The following NFAT5 variants were observed in gnomAD, a reference collection of about 807,000 sequenced individuals.
The protein encoded by NFAT5 is nuclear factor of activated T cells 5.
Under a neutral mutation model 166.5 loss-of-function variants are expected in NFAT5, and 31 were observed. The ratio of observed to expected loss-of-function variants is 0.19; its 90% CI spans 0.14 to 0.25. The LOEUF (loss-of-function observed/expected upper bound fraction) is 0.25. NFAT5 is among the 10% of genes least tolerant of loss of function. The probability of loss-of-function intolerance (pLI) is 1.00; values close to 1 mark genes in which losing one functional copy is unlikely to be tolerated. For synonymous variants in NFAT5, 612 were observed against 639.7 expected (o/e 0.96, Z 0.65); for missense variants, 1,449 against 1,821.8 (o/e 0.80, Z 3.72).
At chr16:69,602,108 G>A (rs188355595) in intron 2 of NFAT5, among the ~76,000 whole-genome samples, 19 of 138,358 alleles carry the variant, frequency 1.4e-4, no homozygotes, top group Non-Finnish European at 2.3e-4. Context: ...AATAAAGAAC[G>A]TTGAAAGCAT....
chr16:69,573,123 T>C (rs2016536296), intron 2 of NFAT5, among the ~76,000 whole-genome samples: 1 of 152,342 alleles, frequency 6.6e-6, no homozygotes, highest in East Asian at 1.9e-4. Context: ...ATTACGGGCA[T>C]GTGCCACCGC....
At chr16:69,573,996 C>G (rs1232411371) in intron 2 of NFAT5, among the ~76,000 whole-genome samples, 1 of 151,646 alleles carries the variant, frequency 6.6e-6, no homozygotes, top group Non-Finnish European at 1.5e-5. Context: ...CTCAGCCTCC[C>G]AAGTAGCTGG....
intron 7 of NFAT5, among the ~76,000 whole-genome samples, chr16:69,660,842 C>T (rs2036095576): frequency 6.7e-6 from 1 of 150,018 alleles, no homozygotes; most frequent in Non-Finnish European, 1.5e-5. Flanking sequence ...TGGAGTTTCG[C>T]TTGTTGCCCA....
rs557335618 is a variant in NFAT5 at position 69,691,935 on chromosome 16, C to T, written c.2110C>T (p.Pro704Ser). 1.9e-6 allele frequency: 3 copies of T among 1,614,168 alleles called. No individual in the cohort carries two copies. Among genetic ancestry groups the T allele is most frequent in the Non-Finnish European group, 2.5e-6 (3 of 1,180,038 alleles). ...TTIQTQDISQ[P>S]GTFPAVSASS... Reference sequence around the variant, plus strand: ...TATTCAAACCCAGGACATCTCACAGCCTGGTACTTTTCCAGCAGTTTCTGC... The same window carrying T: ...TATTCAAACCCAGGACATCTCACAGTCTGGTACTTTTCCAGCAGTTTCTGC... The change falls in exon 13 of 15, where the codon CCT becomes TCT. Residue 704 changes from proline to serine, a missense_variant. Pro to Ser is a moderately conservative substitution (Grantham distance 74). Around this residue, in one of 7 missense-constraint regions of NFAT5, gnomAD observed 891 missense variants for 993.0 expected, o/e 0.90. Transcript: ENST00000349945.
chr16:69,618,855 C>T (rs1321642387), intron 2 of NFAT5, among the ~76,000 whole-genome samples: 1 of 152,146 alleles, frequency 6.6e-6, no homozygotes, highest in East Asian at 1.9e-4. Flanking sequence ...GTTTGAGTAA[C>T]TAATATCTGT....
At chr16:69,646,738 G>A (rs1326033942) in intron 3 of NFAT5, among the ~76,000 whole-genome samples, 1 of 152,132 alleles carries the variant, frequency 6.6e-6, no homozygotes, top group Admixed American at 6.5e-5. Flanking sequence ...AGAATGTCCA[G>A]CTGAGGCAAT....
At chr16:69,579,065 G>A (rs931723065) in intron 2 of NFAT5, among the ~76,000 whole-genome samples, 3 of 151,978 alleles carry the variant, frequency 2.0e-5, no homozygotes, top group Non-Finnish European at 4.4e-5. Context: ...TAGTAGAGAC[G>A]GGGTTTCACC....
At chr16:69,660,054 A>G (rs186055955) in intron 7 of NFAT5, among the ~76,000 whole-genome samples, 155 bp downstream of exon 7, 108 of 152,356 alleles carry the variant, frequency 7.1e-4, no homozygotes, top group Middle Eastern at 3.4e-3. Flanking sequence ...GATTTTCTAG[A>G]CCAAACTAGA....
chr16:69,670,163 A>G, intron 8 of NFAT5, 52 bp downstream of exon 8: 3 of 1,592,302 alleles, frequency 1.9e-6, no homozygotes, highest in African/African-American at 1.4e-5. Context: ...ACTTTGTTAT[A>G]TGGATATAGT....
At chr16:69,621,292 TACTATAA>T (rs770436669) in intron 2 of NFAT5, among the ~76,000 whole-genome samples, 2 of 152,122 alleles carry the variant, frequency 1.3e-5, no homozygotes, top group African/African-American at 2.4e-5. Flanking sequence ...ATAATTTACA[TACTATAA>T]AGGTTACCCA....
At chr16:69,620,142 ATTC>A (rs2034133329) in intron 2 of NFAT5, among the ~76,000 whole-genome samples, 1 of 152,194 alleles carries the variant, frequency 6.6e-6, no homozygotes, top group South Asian at 2.1e-4. Context: ...TGTTGATTTC[ATTC>A]TTCTATTTCC....
intron 3 of NFAT5, among the ~76,000 whole-genome samples, chr16:69,643,903 C>G (rs992199248): frequency 1.2e-4 from 19 of 152,138 alleles, no homozygotes; most frequent in African/African-American, 4.3e-4. Context: ...AATTAATGCA[C>G]TCAGATCTCT....
intron 2 of NFAT5, among the ~76,000 whole-genome samples, chr16:69,587,960 T>C (rs2032197245): frequency 2.1e-5 from 3 of 142,604 alleles, no homozygotes; most frequent in Admixed American, 2.1e-4. Flanking sequence ...TTTTTTTTTT[T>C]TTTTTTTTTT....
At chr16:69,588,242 A>G (rs1288709292) in intron 2 of NFAT5, among the ~76,000 whole-genome samples, 3 of 151,972 alleles carry the variant, frequency 2.0e-5, no homozygotes, top group African/African-American at 7.2e-5. Flanking sequence ...GAGCCTCTGC[A>G]CCTGGCCGCA....
At chr16:69,658,101 A>G (rs1349513835) in intron 6 of NFAT5, among the ~76,000 whole-genome samples, 1 of 151,402 alleles carries the variant, frequency 6.6e-6, no homozygotes, top group Admixed American at 6.6e-5. Context: ...AAAAATAAAT[A>G]AAGTAAAATA....
At chr16:69,627,739 AC>A (rs1039769613) in intron 3 of NFAT5, among the ~76,000 whole-genome samples, 2 of 152,148 alleles carry the variant, frequency 1.3e-5, no homozygotes, top group African/African-American at 4.8e-5. Context: ...ACACTTTCTA[AC>A]AGTTTCTGTG....
At chr16:69,594,945 T>C (rs922007407) in intron 2 of NFAT5, among the ~76,000 whole-genome samples, 6 of 152,164 alleles carry the variant, frequency 3.9e-5, no homozygotes, top group African/African-American at 1.4e-4. Context: ...GGGAGAGAGA[T>C]GTAGGCTGAG....
intron 3 of NFAT5, among the ~76,000 whole-genome samples, chr16:69,638,828 G>A (rs543786631): frequency 2.6e-5 from 4 of 151,624 alleles, no homozygotes; most frequent in Non-Finnish European, 4.4e-5. Flanking sequence ...GTATTGTAGC[G>A]TATTGAAGTG....
At chr16:69,695,060 A>G in intron 13 of NFAT5, 76 bp from the exon 14 acceptor site, 2 of 1,044,862 alleles carry the variant, frequency 1.9e-6, no homozygotes, top group South Asian at 2.8e-5. Context: ...ATCTTTACTA[A>G]TCAGATAGCT....
Sources: gnomAD v4.1 joint callset for allele counts (sites outside exome capture counted in the v4.1 genomes callset) on GRCh38, gnomAD v4.1.1 for gene constraint, gnomAD v4.1.1 regional missense constraint, MANE v1.5 for transcripts, NCBI Gene and HGNC (gene_info 2026-07-23, HGNC 2026-07-21) for gene names.